PUDP: variants seen among roughly 807,000 people sequenced by gnomAD.
PUDP encodes the protein pseudouridine 5'-phosphatase, also known as pseudouridine-5'-phosphatase.
A neutral mutation model predicts 9.4 loss-of-function variants in PUDP; 8 were observed. The ratio of observed to expected loss-of-function variants is 0.85; its 90% confidence interval spans 0.50 to 1.53. The LOEUF (loss-of-function observed/expected upper bound fraction) is 1.53, where lower values mean the gene tolerates loss of function less well. Ranked by LOEUF, PUDP falls within the 40% of genes most tolerant of loss-of-function variation. The pLI is 0.00. For synonymous variants in PUDP, 99 were observed against 80.7 expected, an observed-to-expected ratio of 1.23 and a Z score of -1.22; for missense variants, 188 against 189.7, an observed-to-expected ratio of 0.99 and a Z score of 0.05.
chrX:6,910,943 G>C lies in PUDP; in HGVS notation c.*247+66190C>G, dbSNP rs1166871233. 4.5e-5 allele frequency among the ~76,000 whole-genome samples: 5 copies of C among 111,710 alleles called. No individual in the cohort carries two copies. In the East Asian group the frequency reaches 1.1e-3, roughly 25 times the overall value. On this transcript the variant is annotated intron_variant and NMD_transcript_variant, in intron 3 of 3. Transcript: ENST00000655425. ...GGAAGGGGCAAGGGAGCTCTCTGGA[G>C]CCTCTTTTATAATCTCATTCATAAG...
intron 3 of PUDP, among the ~76,000 whole-genome samples, chrX:6,752,791 T>C (rs1418210735): frequency 9.0e-6 from 1 of 111,696 alleles, no homozygotes; most frequent in African/African-American, 3.3e-5. Context: ...GGAAAAGATA[T>C]TATTAAGCAA....
chrX:6,785,539 T>G (rs1292932876), intron 3 of PUDP, among the ~76,000 whole-genome samples: 1 of 111,452 alleles, frequency 9.0e-6, no homozygotes, highest in Non-Finnish European at 1.9e-5. Flanking sequence ...ATTCCAATCT[T>G]ACACATACTT....
chrX:6,929,405 A>C (rs1051825548), intron 3 of PUDP, among the ~76,000 whole-genome samples: 1 of 112,539 alleles, frequency 8.9e-6, no homozygotes, highest in East Asian at 2.8e-4. Context: ...AACCGGAAGC[A>C]AGGGCTTCCA....
chrX:6,872,306 C>T (rs57145272), intron 3 of PUDP, among the ~76,000 whole-genome samples: 1 of 111,535 alleles, frequency 9.0e-6, no homozygotes, highest in Non-Finnish European at 1.9e-5. Context: ...TTTATGCATA[C>T]CTTGGTATCC....
chrX:6,976,359 C>T (rs746376750), intron 3 of PUDP, among the ~76,000 whole-genome samples: 5 of 111,866 alleles, frequency 4.5e-5, no homozygotes, highest in Admixed American at 9.5e-5. Flanking sequence ...TCCTGGTCTG[C>T]GGGTTGCAAA....
At chrX:7,131,547 C>T (rs1376415301) in intron 1 of PUDP, among the ~76,000 whole-genome samples, 3 of 109,757 alleles carry the variant, frequency 2.7e-5, no homozygotes, top group African/African-American at 9.9e-5. Context: ...CAAGGAAAAA[C>T]GCAGCCCTGC....
chrX:6,728,502 TC>T (rs1314716767), intron 3 of PUDP, among the ~76,000 whole-genome samples: 1 of 111,909 alleles, frequency 8.9e-6, no homozygotes, highest in Non-Finnish European at 1.9e-5. Context: ...TGGACAATTT[TC>T]CCGAAACTGT....
At chrX:6,785,005 C>T (rs768508387) in intron 3 of PUDP, among the ~76,000 whole-genome samples, 1 of 112,573 alleles carries the variant, frequency 8.9e-6, no homozygotes, top group African/African-American at 3.2e-5. Context: ...CCAGTGCAAT[C>T]GCTACACAGC....
chrX:6,906,482 T>C (rs889255633), intron 3 of PUDP, among the ~76,000 whole-genome samples: 3 of 112,363 alleles, frequency 2.7e-5, no homozygotes, highest in Non-Finnish European at 3.8e-5. Context: ...ATTTTAATTA[T>C]GTGCTCTGTG....
intron 3 of PUDP, among the ~76,000 whole-genome samples, chrX:6,876,880 T>C (rs1927269515): frequency 9.1e-6 from 1 of 109,849 alleles, no homozygotes; most frequent in South Asian, 3.9e-4. Flanking sequence ...CATATAAATA[T>C]AGACACATAT....
At chrX:6,819,981 AT>A (rs1265151384) in intron 3 of PUDP, among the ~76,000 whole-genome samples, 8 of 106,738 alleles carry the variant, frequency 7.5e-5, no homozygotes, top group Non-Finnish European at 3.8e-5. Context: ...AAATATATAT[AT>A]TTTTTTCGCC....
chrX:6,811,688 C>T (rs1376502890), intron 3 of PUDP, among the ~76,000 whole-genome samples: 3 of 109,591 alleles, frequency 2.7e-5, no homozygotes, highest in Non-Finnish European at 1.9e-5. Flanking sequence ...CACTGTATTG[C>T]CCTAGCTGGT....
intron 3 of PUDP, among the ~76,000 whole-genome samples, chrX:6,830,264 C>T (rs977843948): frequency 9.1e-6 from 1 of 110,116 alleles, no homozygotes; most frequent in African/African-American, 3.3e-5. Flanking sequence ...AACCTGGAGG[C>T]TGAGAAGGAC....
chrX:6,753,394 C>T (rs1417149390), intron 3 of PUDP, among the ~76,000 whole-genome samples: 2 of 112,237 alleles, frequency 1.8e-5, no homozygotes, highest in Non-Finnish European at 3.8e-5. Flanking sequence ...TGAGTTGGTT[C>T]TACATTTTTG....
intron 3 of PUDP, among the ~76,000 whole-genome samples, chrX:6,824,021 C>T (rs1359467831): frequency 2.7e-5 from 3 of 111,821 alleles, no homozygotes; most frequent in Admixed American, 9.4e-5. Flanking sequence ...AAGGACTTTA[C>T]GACCTGTGAT....
At chrX:7,062,171 C>G (rs1393086769) in intron 3 of PUDP, among the ~76,000 whole-genome samples, 1 of 112,101 alleles carries the variant, frequency 8.9e-6, no homozygotes, top group Non-Finnish European at 1.9e-5. Flanking sequence ...ACATAAAGTA[C>G]TGTCTTGGGC....
At chrX:7,147,986 C>A in intron 1 of PUDP, 67 bp downstream of exon 1, 1 of 885,257 alleles carries the variant, frequency 1.1e-6, no homozygotes, top group East Asian at 4.1e-5. Context: ...TGACGTACCC[C>A]GCGCCGACCG....
Position 7,064,297 on chromosome X carries a change from C to G in PUDP, c.510+12923G>C, listed in dbSNP as rs181151984. Among the ~76,000 whole-genome samples, 836 of 111,407 alleles carry G rather than the reference C, an allele frequency of 7.5e-3. 7 individuals carry two copies. The highest frequency in any genetic ancestry group is 0.026 in the Admixed American group (268 of 10,434). The stretch of plus-strand genomic sequence containing the variant: ...CCAAAAACTATCAAAGATAGGCAAG[C>G]TGTTGATCCGCATTTATTGGATGTC... On this transcript the variant is annotated intron_variant, in intron 3 of 3. Transcript: ENST00000381077.
chrX:6,848,489 T>C (rs867235836), intron 3 of PUDP, among the ~76,000 whole-genome samples: 1 of 112,221 alleles, frequency 8.9e-6, no homozygotes, highest in African/African-American at 3.2e-5. Context: ...ACATTACAGA[T>C]GGAGAGAATG....
Sources: allele counts gnomAD v4.1 joint callset (sites outside exome capture counted in the v4.1 genomes callset), GRCh38; gene constraint gnomAD v4.1.1; transcripts MANE v1.5; gene names NCBI Gene and HGNC (gene_info 2026-07-23, HGNC 2026-07-21).